ABLIM2: variants seen among roughly 807,000 people sequenced by gnomAD.
ABLIM2 encodes the protein actin binding LIM protein family member 2, also known as actin-binding LIM protein 2.
In ABLIM2, 53 loss-of-function variants were observed where a neutral mutation model predicts 97.7. That is an observed-to-expected ratio of 0.54 (90% CI 0.44 to 0.68). The LOEUF (loss-of-function observed/expected upper bound fraction) is 0.68. ABLIM2 is among the 30% of genes least tolerant of loss of function. ABLIM2 has a pLI of 0.00. For synonymous variants in ABLIM2, 361 were observed against 345.8 expected, an observed-to-expected ratio of 1.04 and a Z score of -0.49; for missense variants, 835 against 867.2, an observed-to-expected ratio of 0.96 and a Z score of 0.47.
In ABLIM2 at chr4:8,127,522, G is replaced by A. The variant is rs751322349; in HGVS notation, c.11-20885C>T. 2 of 1,289,608 alleles carry A rather than the reference G, an allele frequency of 1.6e-6. No homozygotes were observed. Among genetic ancestry groups the A allele is most frequent in the African/African-American group, 3.0e-5 (2 of 65,820 alleles). 79.9% of individuals were successfully genotyped at this position (1,289,608 alleles called of 1,614,324 possible). ...CACGGCTCCCAGCCGGATGGTCTGG[G>A]CAAAAGCGCAGTTTGGGGATTTACC... On this transcript the variant is annotated intron_variant, in intron 1 of 20. Transcript: ENST00000447017. This position sits in a 1 kb window ranked among gnomAD's most constrained non-coding sequence, Gnocchi z 7.3.
chr4:8,103,009 G>GC (rs1324140741), intron 2 of ABLIM2, among the ~76,000 whole-genome samples: 1 of 152,234 alleles, frequency 6.6e-6, no homozygotes, highest in Non-Finnish European at 1.5e-5. Flanking sequence ...CAGGCTGCAT[G>GC]CCATGCGGTG....
chr4:8,097,062 G>T, intron 3 of ABLIM2, 37 bp downstream of exon 3: 1 of 1,572,822 alleles, frequency 6.4e-7, no homozygotes, highest in South Asian at 1.2e-5. Flanking sequence ...GGCCCAGAGA[G>T]GCAGGGGAAG....
At chr4:7,991,793 C>G (rs890721102) in intron 17 of ABLIM2, among the ~76,000 whole-genome samples, 6 of 152,106 alleles carry the variant, frequency 3.9e-5, no homozygotes, top group African/African-American at 1.2e-4. Flanking sequence ...GACAAAAACA[C>G]AGCAGCAGGT....
At chr4:8,080,105 C>T (rs953027160) in intron 5 of ABLIM2, among the ~76,000 whole-genome samples, 5 of 152,224 alleles carry the variant, frequency 3.3e-5, no homozygotes, top group African/African-American at 1.2e-4. Flanking sequence ...TCCCTGGTTC[C>T]CAAATCGGCC....
intron 9 of ABLIM2, among the ~76,000 whole-genome samples, chr4:8,038,469 C>T (rs1281498347): frequency 1.3e-5 from 2 of 152,160 alleles, no homozygotes; most frequent in East Asian, 3.9e-4. Flanking sequence ...ACTTGGCCTT[C>T]CTGTTCCTGG....
In ABLIM2 at chr4:8,120,894, C is replaced by T. The variant is rs1208881722; in HGVS notation, c.11-14257G>A. 1.3e-5 allele frequency among the ~76,000 whole-genome samples: 2 copies of T among 152,220 alleles called. No individual in the cohort carries two copies. The highest frequency in any genetic ancestry group is 1.9e-4 in the East Asian group (1 of 5,200). ...GCCTGTTTTATAATACAATGTTGAC[C>T]GTCTCACGTAAGAGTACTGTACCGC... On this transcript the variant is annotated intron_variant, in intron 1 of 20. Transcript: ENST00000447017. The surrounding 1 kb of genome is among the most constrained non-coding windows in gnomAD (Gnocchi z 5.6).
chr4:8,019,385 G>A lies in ABLIM2; in HGVS notation c.1423+233C>T, dbSNP rs1286791795. On this transcript the variant is annotated intron_variant, in intron 14 of 20. Transcript: ENST00000447017. This position sits in a 1 kb window ranked among gnomAD's most constrained non-coding sequence, Gnocchi z 4.3. Reference sequence around the variant, plus strand: ...GCCCTGGCTGATGTGCATTAGCCTCGGCGTCGTAACGCACAGAAGTTCCTT... The same window carrying A: ...GCCCTGGCTGATGTGCATTAGCCTCAGCGTCGTAACGCACAGAAGTTCCTT... Among the ~76,000 whole-genome samples the A allele has an allele frequency of 4.6e-5, 7 of 152,054 alleles. No homozygotes were observed. Among genetic ancestry groups the A allele is most frequent in the South Asian group, 4.2e-4 (2 of 4,808 alleles).
At position 7,984,822 on chromosome 4, in the gene ABLIM2, G is replaced by A. The variant is rs780261804; in HGVS notation, c.1735+17C>T. 4 of 1,586,316 alleles carry A rather than the reference G, an allele frequency of 2.5e-6. No individual in the cohort carries two copies. In the Admixed American group the frequency reaches 5.4e-5, roughly 21 times the overall value. On this transcript the variant is annotated intron_variant, in intron 18 of 20. Transcript: ENST00000447017. ...CCTGCCCCAGCCAGAGACCCACAGG[G>A]TCCCCGCTCTGTGTACCTCGCATGC... is the stretch of plus-strand genomic sequence containing the variant.
intron 12 of ABLIM2, 126 bp downstream of exon 12, chr4:8,027,633 G>T (rs1027792663): frequency 1.5e-6 from 1 of 655,366 alleles, no homozygotes; most frequent in Non-Finnish European, 2.4e-6. Flanking sequence ...GACACACACA[G>T]AGAGGGGCAC....
rs60992903 is a variant in ABLIM2 at position 8,056,112 on chromosome 4, C to CAAAAAAA, written c.764-1873_764-1867dup. On this transcript the variant is annotated intron_variant, in intron 7 of 20. Coordinates refer to ENST00000447017, the MANE Select transcript of ABLIM2 (RefSeq NM_001130083.2). ...TGGGTAACAGAGCAAGACTCTGTCTCAAAAAAAAAAAAAAAAAAAAAAAAA... is the reference window on the plus strand; with the variant it reads ...TGGGTAACAGAGCAAGACTCTGTCTCAAAAAAAAAAAAAAAAAAAAAAAAAAAAAAAA... 3.8e-4 allele frequency among the ~76,000 whole-genome samples: 26 copies of CAAAAAAA among 68,358 alleles called. 2 individuals carry two copies. The highest frequency in any genetic ancestry group is 5.4e-4 in the African/African-American group (8 of 14,842). The allele number at this position is 68,358 out of a possible 152,430, so 44.8% of individuals were successfully genotyped here. A position where few individuals can be genotyped will look rare whatever the true frequency, so the allele number is the denominator to read the frequency against.
chr4:7,985,559 G>A (rs941636625), intron 17 of ABLIM2, among the ~76,000 whole-genome samples: 3 of 152,122 alleles, frequency 2.0e-5, no homozygotes, highest in Non-Finnish European at 4.4e-5. Context: ...CAAAATGAGG[G>A]GGCTCCTACC....
Position 7,998,339 on chromosome 4 carries a change from T to A in ABLIM2, c.1619-5412A>T, listed in dbSNP as rs561601685. ...CTATTTGAGCAGGCTGTCACCCTGT[T>A]TAGGTTTCGCGTGTACAGCCTGTTC... On this transcript the variant is annotated intron_variant, in intron 16 of 20. Coordinates refer to ENST00000447017, the MANE Select transcript of ABLIM2 (RefSeq NM_001130083.2). This position sits in a 1 kb window ranked among gnomAD's most constrained non-coding sequence, Gnocchi z 6.4. Among the ~76,000 whole-genome samples, 3 of 152,278 alleles carry A rather than the reference T, an allele frequency of 2.0e-5. No individual in the cohort carries two copies. In the East Asian group the frequency reaches 5.8e-4, roughly 29 times the overall value.
Position 7,983,258 on chromosome 4 carries a change from G to A in ABLIM2, c.1824+6C>T, listed in dbSNP as rs748171294. ...GAGTCCCCTGCCCCGGCAGTCCCCCGCTTACCTCCAGTCTCGTCCGGTCCA... is the reference window on the plus strand; with the variant it reads ...GAGTCCCCTGCCCCGGCAGTCCCCCACTTACCTCCAGTCTCGTCCGGTCCA... On this transcript the variant is annotated splice_donor_region_variant and intron_variant, in intron 20 of 20. Coordinates refer to ENST00000447017, the MANE Select transcript of ABLIM2 (RefSeq NM_001130083.2). 1.1e-5 allele frequency: 18 copies of A among 1,607,702 alleles called. No homozygotes were observed. The highest frequency in any genetic ancestry group is 3.3e-4 in the Middle Eastern group (2 of 6,078).
chr4:7,997,007 T>C (rs950547663), intron 16 of ABLIM2, among the ~76,000 whole-genome samples: 2 of 152,228 alleles, frequency 1.3e-5, no homozygotes, highest in Non-Finnish European at 2.9e-5. Flanking sequence ...ACTTGGTTTC[T>C]GGAACTTGTA....
rs1758738800 is a variant in ABLIM2 at position 8,003,545 on chromosome 4, C to G, written c.1618+4514G>C. On this transcript the variant is annotated intron_variant, in intron 16 of 20. Transcript: ENST00000447017. The surrounding 1 kb of genome is among the most constrained non-coding windows in gnomAD (Gnocchi z 4.2). ...CACCCACTGTCTCTGGACCACTACG[C>G]TCTTCTTCCAGTTTTCTTTTTTTTT... 6.6e-6 allele frequency among the ~76,000 whole-genome samples: 1 copy of G among 151,540 alleles called. No individual in the cohort carries two copies. Among genetic ancestry groups the G allele is most frequent in the Admixed American group, 6.6e-5 (1 of 15,190 alleles).
At chr4:8,098,486 A>C (rs745530519) in intron 2 of ABLIM2, among the ~76,000 whole-genome samples, 2 of 152,094 alleles carry the variant, frequency 1.3e-5, no homozygotes, top group Non-Finnish European at 2.9e-5. Flanking sequence ...TGCCTACAAA[A>C]CCCCCAACAG....
In ABLIM2 at chr4:8,097,282, G is replaced by A. The variant is rs753173966; in HGVS notation, c.155C>T (p.Ala52Val). The A allele has an allele frequency of 5.1e-6, 8 of 1,558,816 alleles. No individual in the cohort carries two copies. The Admixed American group carries it at 1.5e-4, about 30-fold the overall frequency. ...GCCCTCGGCCAGGTCGCAGCCACAT[G>A]CTGGGGGAGGACGGGCGAGGTGGCG... ...YFHIKCFVCKACGCDLAEGGF... is the reference protein window; with the variant it reads ...YFHIKCFVCKVCGCDLAEGGF... The change falls in exon 3 of 21, where the codon GCA (alanine) becomes GTA (valine). Residue 52 changes from alanine to valine, a missense_variant and splice_region_variant. By Grantham distance (64) the Ala-to-Val change is moderately conservative (BLOSUM62 0). Coordinates refer to ENST00000447017, the MANE Select transcript of ABLIM2 (RefSeq NM_001130083.2).
chr4:8,153,810 C>A (rs550256414), intron 1 of ABLIM2, among the ~76,000 whole-genome samples: 1 of 152,308 alleles, frequency 6.6e-6, no homozygotes, highest in Admixed American at 6.5e-5. Flanking sequence ...TAAAAAGGTG[C>A]AGAAGACGGA....
intron 16 of ABLIM2, 112 bp downstream of exon 16, chr4:8,007,947 G>C (rs1308517001): frequency 6.7e-7 from 1 of 1,499,790 alleles, no homozygotes; most frequent in Non-Finnish European, 8.9e-7. Flanking sequence ...TTGCTTTCAT[G>C]CTTTTTAACA....
Sources: gnomAD v4.1 joint callset for allele counts (sites outside exome capture counted in the v4.1 genomes callset) on GRCh38, gnomAD v4.1.1 for gene constraint, Gnocchi (gnomAD v3.1) non-coding constraint, MANE v1.5 for transcripts, NCBI Gene and HGNC (gene_info 2026-07-23, HGNC 2026-07-21) for gene names.